Variants in NSD2 observed in about 807,000 individuals in gnomAD.
NSD2 encodes the protein histone-lysine N-methyltransferase NSD2.
Under a neutral mutation model 139.0 loss-of-function variants are expected in NSD2, and 12 were observed. That is an observed-to-expected ratio of 0.09 (90% CI 0.06 to 0.14). The LOEUF is 0.14. Among genes scored for constraint, NSD2 ranks in the 10% least tolerant of loss-of-function variants. The pLI is 1.00. For synonymous variants in NSD2, 669 were observed against 648.7 expected, an observed-to-expected ratio of 1.03 and a Z score of -0.48; for missense variants, 1,155 against 1,745.0, an observed-to-expected ratio of 0.66 and a Z score of 6.02.
rs1429499050 is a variant in NSD2, at chr4:1,900,650, G to A, written c.-5G>A. ...GTGTTCTAAGAACGGAAGCATCTGG[G>A]CTGGATGGAATTTAGCATCAAGCAG... On this transcript the variant is annotated 5_prime_UTR_variant, in exon 2 of 22. Coordinates refer to ENST00000508803, the MANE Select transcript of NSD2 (RefSeq NM_001042424.3). 6.4e-7 allele frequency: 1 copy of A among 1,565,308 alleles called. No individual in the cohort carries two copies.
At chr4:1,895,073 G>A (rs972720812) in intron 1 of NSD2, among the ~76,000 whole-genome samples, 3 of 152,136 alleles carry the variant, frequency 2.0e-5, no homozygotes, top group Non-Finnish European at 4.4e-5. Flanking sequence ...ACTTAGCATA[G>A]TTTCTTCAAG....
chr4:1,881,754 G>A (rs1302877681), intron 1 of NSD2, among the ~76,000 whole-genome samples: 1 of 152,158 alleles, frequency 6.6e-6, no homozygotes, highest in East Asian at 1.9e-4. Flanking sequence ...ATCACACAAA[G>A]CAAGTCATGA....
chr4:1,970,080 C>T (rs1367503160), intron 18 of NSD2, among the ~76,000 whole-genome samples: 4 of 152,134 alleles, frequency 2.6e-5, no homozygotes, highest in East Asian at 1.9e-4. Flanking sequence ...ATGCGAGTGA[C>T]GCCTTGGGCA....
chr4:1,928,952 G>T (rs1054913580), intron 5 of NSD2, among the ~76,000 whole-genome samples: 1 of 152,126 alleles, frequency 6.6e-6, no homozygotes, highest in African/African-American at 2.4e-5. Flanking sequence ...GTTGGGAGGG[G>T]TGTGGCAGGA....
In NSD2 at chr4:1,872,564, T is replaced by TTGTGTGTG. The variant is rs752377919; in HGVS notation, c.-30+1043_-30+1050dup. Among the ~76,000 whole-genome samples, 97 of 101,140 alleles carry TTGTGTGTG rather than the reference T, an allele frequency of 9.6e-4. 5 individuals carry two copies. The highest frequency in any genetic ancestry group is 7.2e-3 in the East Asian group (20 of 2,794). 66.4% of individuals were successfully genotyped at this position (101,140 alleles called of 152,430 possible). ...CGTTTTTAGGTAGATAACGTGTATT[T>TTGTGTGTG]TGTGTGTGTGTGTGTGTGTGTGTGT... On this transcript the variant is annotated intron_variant, in intron 1 of 21. Transcript: ENST00000508803.
At chr4:1,877,218 T>C (rs1163605334) in intron 1 of NSD2, among the ~76,000 whole-genome samples, 1 of 152,222 alleles carries the variant, frequency 6.6e-6, no homozygotes, top group Non-Finnish European at 1.5e-5. Flanking sequence ...TTTTCATATA[T>C]TTTTTGCTGC....
intron 1 of NSD2, among the ~76,000 whole-genome samples, chr4:1,873,669 C>G (rs1577342920): frequency 6.6e-6 from 1 of 152,178 alleles, no homozygotes; most frequent in East Asian, 1.9e-4. Context: ...GTAATCAAAT[C>G]TTACAAAGTT....
rs1231087793 is a variant in NSD2, at chr4:1,918,481, C to T, written c.1268C>T (p.Pro423Leu). The T allele has an allele frequency of 7.4e-6, 12 of 1,613,936 alleles. No individual in the cohort carries two copies. In the East Asian group the frequency reaches 2.5e-4, roughly 33 times the overall value. The change falls in exon 5 of 22, where the codon CCT (proline) becomes CTT (leucine). Residue 423 changes from proline (P) to leucine (L), a missense_variant. Transcript: ENST00000508803. ...ESHPDIGKSTPQKTAEADPRR... is the reference protein window; with the variant it reads ...ESHPDIGKSTLQKTAEADPRR... ...CACCCCGACATAGGGAAGAGTACTC[C>T]TCAAAAGACGGCAGAGGCTGACCCC...
Position 1,953,400 on chromosome 4 carries a change from T to C in NSD2, c.2214T>C (p.Phe738=), listed in dbSNP as rs759409501. The change falls in exon 12 of 22, where the codon TTT becomes TTC. Residue 738 remains phenylalanine, a synonymous_variant. Transcript: ENST00000508803. Reference sequence around the variant, plus strand: ...GTGTGGTAACTCAGTGTGGAAAATTTTACCATGAGGCTTGTGTGAAAAAAT... The same window carrying C: ...GTGTGGTAACTCAGTGTGGAAAATTCTACCATGAGGCTTGTGTGAAAAAAT... The part of the protein sequence containing the change: ...KRCVVTQCGK[F]YHEACVKKYP... 6.2e-7 allele frequency: 1 copy of C among 1,614,158 alleles called. No individual in the cohort carries two copies. Among genetic ancestry groups the C allele is most frequent in the Non-Finnish European group, 8.5e-7 (1 of 1,180,008 alleles).
intron 9 of NSD2, chr4:1,941,047 C>T: frequency 9.5e-7 from 1 of 1,056,984 alleles, no homozygotes; most frequent in African/African-American, 1.6e-5. Context: ...TTTGGACACA[C>T]TGGAGAAAAG....
At position 1,979,247 on chromosome 4, in the gene NSD2, TCTC is replaced by T. The variant is rs375129793; in HGVS notation, c.*342_*344del. The T allele has an allele frequency of 4.5e-4, 128 of 284,682 alleles. 2 individuals carry two copies. The South Asian group carries it at 8.9e-3, about 20-fold the overall frequency. 17.6% of individuals were successfully genotyped at this position (284,682 alleles called of 1,614,324 possible). On this transcript the variant is annotated 3_prime_UTR_variant, in exon 22 of 22. Transcript: ENST00000508803. ...TTAATTGGCATATGGAATGTTTTAA[TCTC>T]CTCTGAAATGTGTAGCGTAGGCTTT...
In NSD2 at chr4:1,918,411, A is replaced by T. The variant is rs1719692659; in HGVS notation, c.1198A>T (p.Arg400Trp). Reference protein sequence around the residue: ...VREECIPMKRRRRAKLCSSAE... With the variant: ...VREECIPMKRWRRAKLCSSAE... Reference sequence around the variant, plus strand: ...AGAAGAGTGCATTCCCATGAAGAGAAGGCGGAGGGCCAAACTGTGTAGCTC... The same window carrying T: ...AGAAGAGTGCATTCCCATGAAGAGATGGCGGAGGGCCAAACTGTGTAGCTC... Residue 400 changes from arginine (R) to tryptophan (W), a missense_variant, in exon 5 of 22, where the codon AGG becomes TGG. Physicochemically the swap from Arg to Trp is moderately radical, Grantham distance 101. Transcript: ENST00000508803. The T allele has an allele frequency of 1.2e-6, 2 of 1,614,018 alleles. No homozygotes were observed. The highest frequency in any genetic ancestry group is 1.7e-6 in the Non-Finnish European group (2 of 1,180,040).
intron 1 of NSD2, chr4:1,892,343 G>A (rs1447870372): frequency 2.0e-5 from 3 of 152,184 alleles, no homozygotes; most frequent in Non-Finnish European, 4.4e-5. Flanking sequence ...CCCTGCTTCT[G>A]AGAGTGGAGT....
intron 7 of NSD2, 27 bp from the exon 8 acceptor site, chr4:1,938,416 CTTTTTTTT>C (rs746279426): frequency 4.8e-4 from 158 of 325,836 alleles, no homozygotes; most frequent in Middle Eastern, 9.6e-4. Flanking sequence ...TTTTTTCTTT[CTTTTTTTT>C]TTTTTTTTTT....
At chr4:1,952,003 A>G (rs920110506) in intron 10 of NSD2, 105 bp from the exon 11 acceptor site, 17 of 1,513,420 alleles carry the variant, frequency 1.1e-5, no homozygotes, top group Non-Finnish European at 1.4e-5. Context: ...GAGTAGCAAA[A>G]TGGGATTTTC....
chr4:1,882,689 A>C (rs1028616121), intron 1 of NSD2, among the ~76,000 whole-genome samples: 2 of 152,054 alleles, frequency 1.3e-5, no homozygotes, highest in African/African-American at 4.8e-5. Flanking sequence ...CAACAACAAC[A>C]AAAAACTGGG....
intron 2 of NSD2, 91 bp from the exon 3 acceptor site, chr4:1,904,125 T>C: frequency 7.1e-7 from 1 of 1,418,188 alleles, no homozygotes; most frequent in Non-Finnish European, 9.6e-7. Context: ...TGTGTGTATT[T>C]GGACATTGTA....
chr4:1,899,680 C>G (rs1716905032), intron 1 of NSD2, among the ~76,000 whole-genome samples: 1 of 152,146 alleles, frequency 6.6e-6, no homozygotes. Context: ...GGCTCTGGCC[C>G]CTTCACTAGA....
chr4:1,871,919 C>T (rs1235579016), intron 1 of NSD2, among the ~76,000 whole-genome samples: 3 of 147,662 alleles, frequency 2.0e-5, no homozygotes, highest in Admixed American at 1.3e-4. Flanking sequence ...GGCCCTGCGG[C>T]TGCACCTGTG....
Sources: allele counts gnomAD v4.1 joint callset (sites outside exome capture counted in the v4.1 genomes callset), GRCh38; gene constraint gnomAD v4.1.1; transcripts MANE v1.5; gene names NCBI Gene and HGNC (gene_info 2026-07-23, HGNC 2026-07-21).